Variants in ADAMTS19 observed in about 807,000 individuals in gnomAD.
ADAMTS19 encodes the protein A disintegrin and metalloproteinase with thrombospondin motifs 19.
ADAMTS19 carries 93 observed loss-of-function variants against 153.3 expected under a neutral mutation model. The ratio of observed to expected loss-of-function variants is 0.61; its 90% CI spans 0.51 to 0.72. The LOEUF is 0.72. ADAMTS19 is among the 30% of genes least tolerant of loss of function. The probability of loss-of-function intolerance (pLI) is 0.00; values close to 1 mark genes in which losing one functional copy is unlikely to be tolerated. For synonymous variants in ADAMTS19, 600 were observed against 556.6 expected (o/e 1.08, Z -1.10); for missense variants, 1,482 against 1,552.1 (o/e 0.95, Z 0.76).
intron 16 of ADAMTS19, among the ~76,000 whole-genome samples, chr5:129,675,148 CTT>C (rs1384590706): frequency 6.6e-6 from 1 of 152,098 alleles, no homozygotes; most frequent in African/African-American, 2.4e-5. Context: ...TTTTAACGTG[CTT>C]TTTTCTCTCT....
intron 8 of ADAMTS19, among the ~76,000 whole-genome samples, chr5:129,601,921 G>C (rs1435099193): frequency 6.6e-6 from 1 of 152,120 alleles, no homozygotes; most frequent in African/African-American, 2.4e-5. Context: ...AACCATCCTG[G>C]TAGAAGGCCT....
At chr5:129,697,883 C>T (rs1038477292) in intron 19 of ADAMTS19, among the ~76,000 whole-genome samples, 5 of 152,120 alleles carry the variant, frequency 3.3e-5, no homozygotes, top group Admixed American at 2.6e-4. Flanking sequence ...TTTATATTGC[C>T]ATATAGTTGT....
rs113470466 is a variant in ADAMTS19 at position 129,725,367 on chromosome 5, C to A, written c.3313-9565C>A. Among the ~76,000 whole-genome samples the A allele has an allele frequency of 5.2e-3, 798 of 152,126 alleles. 3 individuals are homozygous for A. Among genetic ancestry groups the A allele is most frequent in the African/African-American group, 0.018 (729 of 41,514 alleles). ...GTGAGCTGTCCACATGCACAACGGC[C>A]GGCTCACACTTGGGAGGGGAGCATG... On this transcript the variant is annotated intron_variant, in intron 21 of 22. Coordinates refer to ENST00000274487, the MANE Select transcript of ADAMTS19 (RefSeq NM_133638.6).
chr5:129,554,703 C>G (rs1293818799), intron 7 of ADAMTS19, among the ~76,000 whole-genome samples: 1 of 152,048 alleles, frequency 6.6e-6, no homozygotes, highest in Non-Finnish European at 1.5e-5. Flanking sequence ...TCAGTATATC[C>G]TTATTACTAA....
At position 129,549,519 on chromosome 5, in the gene ADAMTS19, G is replaced by C. The variant is rs930522839; in HGVS notation, c.1329-2345G>C. Among the ~76,000 whole-genome samples the C allele has an allele frequency of 5.3e-5, 8 of 151,542 alleles. No individual in the cohort carries two copies. The East Asian group carries it at 7.8e-4, about 15-fold the overall frequency. On this transcript the variant is annotated intron_variant, in intron 6 of 22. Transcript: ENST00000274487. ...TAATAGTTCAAAATAAACAAACTTA[G>C]AGACCGAGTACTTAATAAACAATAA...
intron 21 of ADAMTS19, among the ~76,000 whole-genome samples, chr5:129,706,525 C>T (rs536945401): frequency 5.6e-4 from 84 of 149,404 alleles, no homozygotes; most frequent in South Asian, 2.3e-3. Context: ...GCCAAGATAA[C>T]GCCATTGCGC....
intron 6 of ADAMTS19, among the ~76,000 whole-genome samples, chr5:129,534,582 C>G (rs1054570380): frequency 4.6e-5 from 7 of 152,154 alleles, no homozygotes; most frequent in Admixed American, 4.6e-4. Flanking sequence ...ATGAGGCCAG[C>G]ATCATCCTGA....
In ADAMTS19 at chr5:129,526,351, A is replaced by G; in HGVS notation, c.981A>G (p.Leu327=). The change falls in exon 4 of 23, where the codon TTA becomes TTG. Residue 327 remains leucine, a synonymous_variant. Transcript: ENST00000274487. ...GAGGGAAACGATATTCATACAAATTACCTCAAGAATACAACATAGAGACTG... is the reference window on the plus strand; with the variant it reads ...GAGGGAAACGATATTCATACAAATTGCCTCAAGAATACAACATAGAGACTG... ...SGRGKRYSYK[L]PQEYNIETVV... is the part of the protein sequence containing the mutation. 6.2e-7 allele frequency: 1 copy of G among 1,602,256 alleles called. No homozygotes were observed. Among genetic ancestry groups the G allele is most frequent in the Non-Finnish European group, 8.5e-7 (1 of 1,175,184 alleles).
intron 7 of ADAMTS19, among the ~76,000 whole-genome samples, chr5:129,564,293 C>T (rs1364045780): frequency 6.6e-6 from 1 of 152,122 alleles, no homozygotes; most frequent in East Asian, 1.9e-4. Flanking sequence ...GACTTCTGAC[C>T]TATAGTAATG....
intron 6 of ADAMTS19, among the ~76,000 whole-genome samples, chr5:129,529,716 T>C (rs1276625990): frequency 6.6e-6 from 1 of 152,110 alleles, no homozygotes; most frequent in African/African-American, 2.4e-5. Flanking sequence ...GAGGACACCA[T>C]AGATAAAAGT....
chr5:129,561,590 C>G (rs1468789646), intron 7 of ADAMTS19, among the ~76,000 whole-genome samples: 1 of 150,812 alleles, frequency 6.6e-6, no homozygotes, highest in Non-Finnish European at 1.5e-5. Context: ...TGTGCGTTTT[C>G]TAAAACGCAT....
chr5:129,505,086 A>G (rs1427243512), intron 2 of ADAMTS19, among the ~76,000 whole-genome samples: 1 of 152,184 alleles, frequency 6.6e-6, no homozygotes, highest in Non-Finnish European at 1.5e-5. Context: ...ATAGGATTTT[A>G]TCACGACTGT....
intron 7 of ADAMTS19, among the ~76,000 whole-genome samples, chr5:129,571,555 T>A (rs1407375277): frequency 6.6e-6 from 1 of 151,588 alleles, no homozygotes; most frequent in Non-Finnish European, 1.5e-5. Context: ...AGAAATACCA[T>A]GTTTATGGAG....
At chr5:129,720,148 G>GTATATATATATATATATATA (rs35948614) in intron 21 of ADAMTS19, among the ~76,000 whole-genome samples, 2 of 143,192 alleles carry the variant, frequency 1.4e-5, no homozygotes, top group African/African-American at 5.2e-5. Flanking sequence ...ATGTGTGTAT[G>GTATATATATATATATATATA]TATATATATA....
At chr5:129,608,057 G>A (rs1750994037) in intron 8 of ADAMTS19, among the ~76,000 whole-genome samples, 2 of 134,456 alleles carry the variant, frequency 1.5e-5, no homozygotes, top group African/African-American at 5.5e-5. Flanking sequence ...ACACACAACA[G>A]AATATTCATT....
At chr5:129,715,042 T>C (rs947096275) in intron 21 of ADAMTS19, among the ~76,000 whole-genome samples, 12 of 152,140 alleles carry the variant, frequency 7.9e-5, no homozygotes, top group African/African-American at 2.4e-4. Flanking sequence ...TAAGTAAATG[T>C]CATGCAGGAG....
In ADAMTS19 at chr5:129,672,818, A is replaced by G. The variant is rs1198128354; in HGVS notation, c.2507-6946A>G. 3.9e-5 allele frequency among the ~76,000 whole-genome samples: 6 copies of G among 151,910 alleles called. No individual in the cohort carries two copies. The East Asian group carries it at 1.2e-3, about 29-fold the overall frequency. On this transcript the variant is annotated intron_variant, in intron 16 of 22. Transcript: ENST00000274487. Reference sequence around the variant, plus strand: ...TGTGCAAGTCCAAATCTACACACACACACACACACACACAAATACATACAT... The same window carrying G: ...TGTGCAAGTCCAAATCTACACACACGCACACACACACACAAATACATACAT...
intron 2 of ADAMTS19, among the ~76,000 whole-genome samples, chr5:129,471,183 A>G (rs1413225017): frequency 6.6e-6 from 1 of 151,976 alleles, no homozygotes; most frequent in Non-Finnish European, 1.5e-5. Flanking sequence ...TGACAAACCT[A>G]AAATATGAAG....
intron 14 of ADAMTS19, 136 bp downstream of exon 14, chr5:129,654,569 C>T: frequency 2.1e-6 from 2 of 958,310 alleles, no homozygotes; most frequent in Middle Eastern, 4.3e-4. Flanking sequence ...TGACTGTGAC[C>T]TTGAGCAAGT....
Sources: allele counts gnomAD v4.1 joint callset (sites outside exome capture counted in the v4.1 genomes callset), GRCh38; gene constraint gnomAD v4.1.1; transcripts MANE v1.5; gene names NCBI Gene and HGNC (gene_info 2026-07-23, HGNC 2026-07-21).